KAT7: variants seen among roughly 807,000 people sequenced by gnomAD.
KAT7 encodes histone acetyltransferase KAT7.
In KAT7, 10 loss-of-function variants were observed where a neutral mutation model predicts 82.1. The ratio of observed to expected loss-of-function variants is 0.12; its 90% CI spans 0.08 to 0.21. The LOEUF is 0.21. Among genes scored for constraint, KAT7 ranks in the 10% least tolerant of loss-of-function variants. The pLI is 1.00. For synonymous variants in KAT7, 250 were observed against 262.5 expected (o/e 0.95, Z 0.46); for missense variants, 378 against 760.9 (o/e 0.50, Z 5.92).
At chr17:49,808,575 C>CGA (rs767690443) in intron 5 of KAT7, among the ~76,000 whole-genome samples, 2 of 151,600 alleles carry the variant, frequency 1.3e-5, no homozygotes, top group Non-Finnish European at 2.9e-5. Flanking sequence ...CTCAGCCTCC[C>CGA]GAGTAGCGGG....
intron 6 of KAT7, among the ~76,000 whole-genome samples, chr17:49,810,958 C>T (rs559818499): frequency 3.3e-5 from 5 of 152,064 alleles, no homozygotes; most frequent in East Asian, 3.9e-4. Context: ...GCGATCGTGC[C>T]GCTGCATTTC....
Position 49,791,873 on chromosome 17 carries a change from T to G in KAT7, c.16-13T>G. 6.2e-7 allele frequency: 1 copy of G among 1,613,320 alleles called. No homozygotes were observed. The highest frequency in any genetic ancestry group is 8.5e-7 in the Non-Finnish European group (1 of 1,179,270). On this transcript the variant is annotated splice_polypyrimidine_tract_variant and intron_variant, in intron 1 of 14. Transcript: ENST00000259021. ...ATGCTTCTGTGCTAATATCTGGATC[T>G]ATGGTATTACAGAGGAATGCAGGCA...
chr17:49,820,127 C>T (rs943822691), intron 9 of KAT7, among the ~76,000 whole-genome samples: 1 of 152,146 alleles, frequency 6.6e-6, no homozygotes, highest in Non-Finnish European at 1.5e-5. Context: ...CCAGGCATGG[C>T]GCCATGCGCC....
intron 8 of KAT7, 108 bp from the exon 9 acceptor site, chr17:49,817,712 C>T: frequency 1.2e-6 from 1 of 819,728 alleles, no homozygotes; most frequent in South Asian, 1.8e-5. Flanking sequence ...AGTGACCTGC[C>T]TGCCTCAGCC....
At chr17:49,812,767 G>A (rs1329415809) in intron 7 of KAT7, among the ~76,000 whole-genome samples, 1 of 151,752 alleles carries the variant, frequency 6.6e-6, no homozygotes, top group Non-Finnish European at 1.5e-5. Flanking sequence ...GCAGTGGTGC[G>A]ATCTTGGCTC....
rs1387892715 is a variant in KAT7 at position 49,788,684 on chromosome 17, G to C, written c.-151G>C. 6.1e-6 allele frequency: 5 copies of C among 819,318 alleles called. No individual in the cohort carries two copies. The South Asian group carries it at 8.3e-5, about 14-fold the overall frequency. 50.8% of individuals were successfully genotyped at this position (819,318 alleles called of 1,614,324 possible). ...CGCTTCAGCCCGCGGCGCCTGCGCA[G>C]AACGCTCCAGACGCTGAGAGGCAGG... On this transcript the variant is annotated 5_prime_UTR_variant, in exon 1 of 15. Coordinates refer to ENST00000259021, the MANE Select transcript of KAT7 (RefSeq NM_007067.5).
In KAT7 at chr17:49,827,699, CAGTG is replaced by C. The variant is rs1567867588; in HGVS notation, c.*200_*203del. The stretch of plus-strand genomic sequence containing the variant: ...TTCTGAGGAACTGTTGTTTCGGCCT[CAGTG>C]AGGTTGCCTGGATGGGATCTGTATT... On this transcript the variant is annotated 3_prime_UTR_variant, in exon 15 of 15. Transcript: ENST00000259021. 1 of 590,390 alleles carries C rather than the reference CAGTG, an allele frequency of 1.7e-6. No individual in the cohort carries two copies. Among genetic ancestry groups the C allele is most frequent in the Non-Finnish European group, 3.0e-6 (1 of 331,120 alleles). The allele number at this position is 590,390 out of a possible 1,614,324, so 36.6% of individuals were successfully genotyped here.
intron 5 of KAT7, among the ~76,000 whole-genome samples, chr17:49,808,165 A>G (rs1010984183): frequency 1.6e-5 from 2 of 128,836 alleles, no homozygotes; most frequent in Non-Finnish European, 3.1e-5. Flanking sequence ...TCTGTCACCC[A>G]GGCTGGAGTG....
At chr17:49,807,275 G>A (rs1284886769) in intron 5 of KAT7, among the ~76,000 whole-genome samples, 1 of 152,244 alleles carries the variant, frequency 6.6e-6, no homozygotes, top group Non-Finnish European at 1.5e-5. Flanking sequence ...TGTTTCGGGG[G>A]TGAGGGTAGG....
intron 12 of KAT7, chr17:49,824,349 GC>G (rs1855972443): frequency 6.6e-6 from 1 of 151,966 alleles, no homozygotes; most frequent in African/African-American, 2.4e-5. Flanking sequence ...AGCCTTCCAA[GC>G]CTTCTTTCTT....
Position 49,796,493 on chromosome 17 carries a change from T to A in KAT7, c.164-257T>A, listed in dbSNP as rs145366771. ...TGCCCAAGATGCCACAGCTAGTTGGTATGGTGGAGTGGAGTTGAATCAAGT... is the reference window on the plus strand; with the variant it reads ...TGCCCAAGATGCCACAGCTAGTTGGAATGGTGGAGTGGAGTTGAATCAAGT... On this transcript the variant is annotated intron_variant, in intron 2 of 14. Coordinates refer to ENST00000259021, the MANE Select transcript of KAT7 (RefSeq NM_007067.5). 3.5e-3 allele frequency among the ~76,000 whole-genome samples: 536 copies of A among 152,282 alleles called. 6 individuals carry two copies. Among genetic ancestry groups the A allele is most frequent in the African/African-American group, 0.013 (523 of 41,556 alleles).
intron 6 of KAT7, among the ~76,000 whole-genome samples, chr17:49,809,541 C>T (rs914385804): frequency 1.3e-5 from 2 of 152,188 alleles, no homozygotes; most frequent in East Asian, 1.9e-4. Flanking sequence ...CCTCTCCACT[C>T]TGCTAGCACC....
intron 11 of KAT7, among the ~76,000 whole-genome samples, chr17:49,822,456 C>T (rs2074317035): frequency 6.6e-6 from 1 of 152,152 alleles, no homozygotes; most frequent in Non-Finnish European, 1.5e-5. Flanking sequence ...GTCTCGAACT[C>T]CTGACCTCAA....
At chr17:49,816,926 G>A (rs755619475) in intron 8 of KAT7, among the ~76,000 whole-genome samples, 3 of 151,654 alleles carry the variant, frequency 2.0e-5, no homozygotes, top group East Asian at 1.9e-4. Flanking sequence ...ATTCTCCCAC[G>A]TCAGCCTCCT....
chr17:49,816,322 A>G (rs1225117201), intron 8 of KAT7, among the ~76,000 whole-genome samples: 2 of 152,222 alleles, frequency 1.3e-5, no homozygotes, highest in African/African-American at 4.8e-5. Context: ...AAGAATGAAA[A>G]TAACAGTGAA....
At chr17:49,797,413 G>A (rs2073970921) in intron 3 of KAT7, among the ~76,000 whole-genome samples, 1 of 152,126 alleles carries the variant, frequency 6.6e-6, no homozygotes, top group Admixed American at 6.6e-5. Flanking sequence ...TATTCTCAAG[G>A]TCCAGAGTAG....
intron 1 of KAT7, 183 bp downstream of exon 1, chr17:49,789,032 A>T (rs1015288043): frequency 3.6e-5 from 17 of 473,608 alleles, no homozygotes; most frequent in South Asian, 3.2e-4. Context: ...GCCTCGGCCT[A>T]TGCTTGCAAC....
At chr17:49,792,090 A>G in intron 2 of KAT7, 57 bp downstream of exon 2, 3 of 1,554,514 alleles carry the variant, frequency 1.9e-6, no homozygotes, top group Non-Finnish European at 2.6e-6. Flanking sequence ...CTGGCCCATC[A>G]CATTATTTTC....
At chr17:49,798,679 G>A in intron 4 of KAT7, 121 bp downstream of exon 4, 1 of 893,404 alleles carries the variant, frequency 1.1e-6, no homozygotes. Context: ...GTCATGTGCT[G>A]AGTGATAATG....
Sources: allele counts gnomAD v4.1 joint callset (sites outside exome capture counted in the v4.1 genomes callset), GRCh38; gene constraint gnomAD v4.1.1; transcripts MANE v1.5; gene names NCBI Gene and HGNC (gene_info 2026-07-23, HGNC 2026-07-21).